Variants in PHF8 observed in about 807,000 individuals in gnomAD.
PHF8 encodes the protein histone lysine demethylase PHF8.
Under a neutral mutation model 74.4 loss-of-function variants are expected in PHF8, and 9 were observed. The ratio of observed to expected loss-of-function variants is 0.12; its 90% CI spans 0.07 to 0.21. PHF8 has a LOEUF of 0.21. PHF8 is among the 10% of genes least tolerant of loss of function. The pLI, the probability that PHF8 is intolerant of heterozygous loss-of-function variation, is 1.00. For synonymous variants in PHF8, 311 were observed against 316.6 expected, an observed-to-expected ratio of 0.98 and a Z score of 0.19; for missense variants, 478 against 816.6, an observed-to-expected ratio of 0.59 and a Z score of 5.05.
At chrX:53,968,069 C>T (rs1324527622) in intron 18 of PHF8, among the ~76,000 whole-genome samples, 2 of 103,192 alleles carry the variant, frequency 1.9e-5, no homozygotes, top group Non-Finnish European at 3.9e-5. Context: ...GTCCTATGAC[C>T]CTGCCAAATC....
At chrX:54,021,719 C>T (rs1162076502) in intron 4 of PHF8, among the ~76,000 whole-genome samples, 2 of 109,594 alleles carry the variant, frequency 1.8e-5, no homozygotes, top group African/African-American at 3.3e-5. Flanking sequence ...CCGCCCGCCT[C>T]GGCCTCCCAA....
At chrX:53,955,557 CTTTTTT>C (rs369969712) in intron 19 of PHF8, among the ~76,000 whole-genome samples, 6 of 72,988 alleles carry the variant, frequency 8.2e-5, no homozygotes, top group East Asian at 4.4e-4. Flanking sequence ...CTCTTCTTTT[CTTTTTT>C]TTTTTTTTTT....
At chrX:54,031,562 C>T (rs1227625130) in intron 2 of PHF8, among the ~76,000 whole-genome samples, 4 of 106,887 alleles carry the variant, frequency 3.7e-5, no homozygotes, top group Non-Finnish European at 7.7e-5. Context: ...CTGACATGCA[C>T]ACAGACAGAC....
chrX:54,017,521 G>A, intron 5 of PHF8, 140 bp downstream of exon 5: 1 of 511,544 alleles, frequency 2.0e-6, no homozygotes, highest in Non-Finnish European at 3.4e-6. Flanking sequence ...CTCTGCCAAA[G>A]AATGACTTTG....
chrX:54,022,538 C>G (rs782638484), intron 3 of PHF8, among the ~76,000 whole-genome samples, 171 bp from the exon 4 acceptor site: 1 of 111,710 alleles, frequency 9.0e-6, no homozygotes, highest in South Asian at 3.7e-4. Context: ...TGGATGGGTA[C>G]TTTCTCTAGA....
chrX:54,042,203 G>T (rs1325100988), intron 2 of PHF8, among the ~76,000 whole-genome samples: 1 of 110,102 alleles, frequency 9.1e-6, no homozygotes, highest in East Asian at 2.8e-4. Flanking sequence ...TTGGAGGCTG[G>T]GGCAGGAAAA....
intron 19 of PHF8, among the ~76,000 whole-genome samples, chrX:53,951,136 ATAACTGAAATGCAAACTT>A (rs782705916): frequency 2.8e-4 from 32 of 112,501 alleles, no homozygotes; most frequent in Non-Finnish European, 5.8e-4. Context: ...GAAAAGTAAA[ATAACTGAAATGCAAACTT>A]TAACTGAAAT....
At chrX:54,011,305 A>G (rs781978101) in intron 7 of PHF8, 21 bp from the exon 8 acceptor site, 1 of 1,190,724 alleles carries the variant, frequency 8.4e-7, no homozygotes. Context: ...AAGAGGTTGA[A>G]GTGACAAAAA....
At chrX:54,027,857 A>C (rs868931429) in intron 2 of PHF8, among the ~76,000 whole-genome samples, 1 of 111,254 alleles carries the variant, frequency 9.0e-6, no homozygotes, top group African/African-American at 3.3e-5. Context: ...GGCAGACAAG[A>C]AACAAGATAA....
chrX:54,018,624 CT>C (rs1261065088), intron 4 of PHF8, among the ~76,000 whole-genome samples: 126 of 101,828 alleles, frequency 1.2e-3, no homozygotes, highest in Non-Finnish European at 9.3e-4. Context: ...CTATCTCATT[CT>C]TTTTTTTTTT....
At chrX:54,033,378 T>C (rs782732470) in intron 2 of PHF8, among the ~76,000 whole-genome samples, 4 of 112,418 alleles carry the variant, frequency 3.6e-5, no homozygotes, top group African/African-American at 1.3e-4. Flanking sequence ...ATCATAAAAA[T>C]GTTTCAATGA....
intron 2 of PHF8, among the ~76,000 whole-genome samples, chrX:54,024,149 G>A (rs190900648): frequency 0.012 from 1,351 of 111,605 alleles, 10 homozygotes; most frequent in Middle Eastern, 0.032. Flanking sequence ...ATGGCCAGTC[G>A]CGGTAGCTCA....
intron 8 of PHF8, among the ~76,000 whole-genome samples, chrX:54,007,339 G>A (rs2065911887): frequency 9.0e-6 from 1 of 111,452 alleles, no homozygotes; most frequent in Admixed American, 9.6e-5. Flanking sequence ...AAATCTTCAT[G>A]ACCTTGAATT....
chrX:54,043,164 G>A, intron 1 of PHF8: 1 of 787,701 alleles, frequency 1.3e-6, no homozygotes, highest in Non-Finnish European at 1.5e-6. Flanking sequence ...TCCCCTAGCT[G>A]ACCCCTGTTT....
chrX:54,000,569 A>G (rs2065812682), intron 10 of PHF8, among the ~76,000 whole-genome samples: 1 of 112,844 alleles, frequency 8.9e-6, no homozygotes. Context: ...TCTAGGTGGC[A>G]GAATAAGAGC....
At position 54,022,990 on chromosome X, in the gene PHF8, C is replaced by T. The variant is rs782183387; in HGVS notation, c.99-147G>A. On this transcript the variant is annotated intron_variant, in intron 2 of 21. Transcript: ENST00000338154. The stretch of plus-strand genomic sequence containing the variant: ...ATTAAATAAAATTTAAAATTTCAAG[C>T]GCTCAGCAGCCACATGTGGTTAGGG... 9.3e-5 allele frequency: 42 copies of T among 451,075 alleles called. No individual in the cohort carries two copies. In the East Asian group the frequency reaches 1.4e-3, roughly 15 times the overall value. 37.2% of individuals were successfully genotyped at this position (451,075 alleles called of 1,213,427 possible).
intron 19 of PHF8, among the ~76,000 whole-genome samples, chrX:53,945,965 C>T (rs1176724243): frequency 8.9e-6 from 1 of 111,930 alleles, no homozygotes; most frequent in Non-Finnish European, 1.9e-5. Flanking sequence ...CTGAAGAAGA[C>T]CACCCTCTTG....
chrX:53,993,609 T>C lies in PHF8; in HGVS notation c.1618A>G (p.Lys540Glu). ...HQALKTGSFQ[K>E]AKFNITGACL... is the part of the protein sequence containing the mutation. ...CATGGGCCAGCACCCACCTTTGCTTTCTGGAAAGAGCCTGTCTTCAGTGCC... is the reference window on the plus strand; with the variant it reads ...CATGGGCCAGCACCCACCTTTGCTTCCTGGAAAGAGCCTGTCTTCAGTGCC... Residue 540 changes from lysine to glutamate, a missense_variant, in exon 13 of 22, where the codon AAA (lysine) becomes GAA (glutamate). Around this residue, in one of 9 missense-constraint regions of PHF8, gnomAD observed 153 missense variants for 164.8 expected, o/e 0.93. Coordinates refer to ENST00000338154, the MANE Select transcript of PHF8 (RefSeq NM_015107.3). 1 of 1,210,042 alleles carries C rather than the reference T, an allele frequency of 8.3e-7. No homozygotes were observed. Among genetic ancestry groups the C allele is most frequent in the Non-Finnish European group, 1.1e-6 (1 of 894,335 alleles).
At chrX:53,966,377 G>A (rs1385755844) in intron 18 of PHF8, among the ~76,000 whole-genome samples, 2 of 112,509 alleles carry the variant, frequency 1.8e-5, no homozygotes, top group African/African-American at 3.2e-5. Context: ...GACTGCAGGC[G>A]CGTGCCGCCA....
Sources: gnomAD v4.1 joint callset for allele counts (sites outside exome capture counted in the v4.1 genomes callset) on GRCh38, gnomAD v4.1.1 for gene constraint, gnomAD v4.1.1 regional missense constraint, MANE v1.5 for transcripts, NCBI Gene and HGNC (gene_info 2026-07-23, HGNC 2026-07-21) for gene names.